DNM3: variants seen among roughly 807,000 people sequenced by gnomAD.
The protein encoded by DNM3 is dynamin-3.
DNM3 carries 47 observed loss-of-function variants against 101.6 expected under a neutral mutation model. The ratio of observed to expected loss-of-function variants is 0.46; its 90% CI spans 0.37 to 0.59. The LOEUF (loss-of-function observed/expected upper bound fraction) is 0.59, where lower values mean the gene tolerates loss of function less well. DNM3 is among the 20% of genes least tolerant of loss of function. The pLI, the probability that DNM3 is intolerant of heterozygous loss-of-function variation, is 0.00. For missense variants in DNM3, 849 were observed against 1,085.7 expected (o/e 0.78, Z 3.06); for synonymous variants, 385 against 387.9 (o/e 0.99, Z 0.09).
chr1:171,864,978 A>G (rs2034571934), intron 1 of DNM3, among the ~76,000 whole-genome samples: 1 of 152,094 alleles, frequency 6.6e-6, no homozygotes, highest in Non-Finnish European at 1.5e-5. Context: ...TAAAATACAG[A>G]CTTATTTAAA....
At chr1:171,920,190 C>T (rs2040044654) in intron 1 of DNM3, among the ~76,000 whole-genome samples, 1 of 152,150 alleles carries the variant, frequency 6.6e-6, no homozygotes, top group Non-Finnish European at 1.5e-5. Context: ...ATCTTTTTGA[C>T]TCTCCATTCC....
intron 11 of DNM3, among the ~76,000 whole-genome samples, chr1:172,081,576 T>C (rs1045151129): frequency 6.6e-6 from 1 of 152,198 alleles, no homozygotes; most frequent in Non-Finnish European, 1.5e-5. Flanking sequence ...AGGTAGCAAA[T>C]AGTGTATGCT....
At chr1:172,183,767 A>ATTTTTTTTTT (rs376245976) in intron 14 of DNM3, among the ~76,000 whole-genome samples, 1 of 62,654 alleles carries the variant, frequency 1.6e-5, no homozygotes, top group South Asian at 7.1e-4. Context: ...TGCCCAGCTA[A>ATTTTTTTTTT]TTTTTTTTTT....
Position 172,120,681 on chromosome 1 carries a change from A to G in DNM3, c.1546-10494A>G, listed in dbSNP as rs143503025. The stretch of plus-strand genomic sequence containing the variant: ...GATTTCAGCTCAAGTGCTGAATACT[A>G]TAAGTATGCCTTTTCTTATACCCGG... On this transcript the variant is annotated intron_variant, in intron 13 of 20. Transcript: ENST00000627582. 1.1e-4 allele frequency among the ~76,000 whole-genome samples: 16 copies of G among 152,318 alleles called. No homozygotes were observed. The East Asian group carries it at 2.5e-3, about 24-fold the overall frequency.
intron 1 of DNM3, among the ~76,000 whole-genome samples, chr1:171,854,443 G>C (rs946285604): frequency 1.3e-5 from 2 of 152,120 alleles, no homozygotes; most frequent in African/African-American, 4.8e-5. Flanking sequence ...GACAGAATTT[G>C]GGTGCCTTTA....
chr1:171,952,934 A>C lies in DNM3; in HGVS notation c.235+31113A>C, dbSNP rs149156442. On this transcript the variant is annotated intron_variant, in intron 2 of 20. Coordinates refer to ENST00000627582, the MANE Select transcript of DNM3 (RefSeq NM_015569.5). ...GTTTTACTGCCAACATGAATAAAACACTCTCCTTTTTACATTATTTTATTC... is the reference window on the plus strand; with the variant it reads ...GTTTTACTGCCAACATGAATAAAACCCTCTCCTTTTTACATTATTTTATTC... Among the ~76,000 whole-genome samples the C allele has an allele frequency of 3.1e-4, 47 of 152,092 alleles. No individual in the cohort carries two copies. In the Middle Eastern group the frequency reaches 0.014, roughly 44 times the overall value.
At chr1:172,258,819 T>C (rs1456966302) in intron 15 of DNM3, among the ~76,000 whole-genome samples, 3 of 152,162 alleles carry the variant, frequency 2.0e-5, no homozygotes, top group Non-Finnish European at 4.4e-5. Context: ...ACATCTCTAG[T>C]TCCTTGAGAT....
intron 11 of DNM3, among the ~76,000 whole-genome samples, chr1:172,077,024 T>G (rs1187410901): frequency 6.6e-6 from 1 of 152,232 alleles, no homozygotes; most frequent in Non-Finnish European, 1.5e-5. Flanking sequence ...GGATTCAACT[T>G]CTTCCTGGTT....
At chr1:171,931,955 C>T (rs1309543741) in intron 2 of DNM3, among the ~76,000 whole-genome samples, 1 of 151,388 alleles carries the variant, frequency 6.6e-6, no homozygotes, top group Non-Finnish European at 1.5e-5. Context: ...TTTTTTTAAT[C>T]CAAGGACCAT....
intron 12 of DNM3, among the ~76,000 whole-genome samples, 192 bp downstream of exon 12, chr1:172,082,094 G>A (rs78099876): frequency 0.027 from 4,132 of 152,280 alleles, 86 homozygotes; most frequent in Middle Eastern, 0.082. Context: ...TCTCAGTAAA[G>A]TAGTTGGCTC....
chr1:172,360,533 T>C (rs2067687081), intron 17 of DNM3, among the ~76,000 whole-genome samples: 2 of 152,152 alleles, frequency 1.3e-5, no homozygotes, highest in South Asian at 4.1e-4. Context: ...TAATATCTGC[T>C]AAATATTCAA....
chr1:172,263,301 C>G, intron 15 of DNM3, among the ~76,000 whole-genome samples: 1 of 152,092 alleles, frequency 6.6e-6, no homozygotes, highest in East Asian at 1.9e-4. Context: ...TTATCCATTC[C>G]AAAGTATCAA....
intron 11 of DNM3, among the ~76,000 whole-genome samples, chr1:172,071,086 CATATAT>C (rs56255511): frequency 0.013 from 828 of 65,060 alleles, 64 homozygotes; most frequent in African/African-American, 0.057. Context: ...CAAGACCCTG[CATATAT>C]ATATATATAT....
intron 12 of DNM3, among the ~76,000 whole-genome samples, chr1:172,088,744 G>T (rs1455384104): frequency 4.6e-5 from 7 of 152,134 alleles, no homozygotes; most frequent in Non-Finnish European, 8.8e-5. Flanking sequence ...AAACAGTTCA[G>T]ATCATATCAT....
At chr1:172,135,543 ATATATATGTGAC>A (rs1424047682) in intron 14 of DNM3, among the ~76,000 whole-genome samples, 1 of 152,050 alleles carries the variant, frequency 6.6e-6, no homozygotes, top group Non-Finnish European at 1.5e-5. Context: ...TCCTCTGACT[ATATATATGTGAC>A]TTCCTGGATT....
chr1:172,194,893 A>G (rs2059890499), intron 14 of DNM3, among the ~76,000 whole-genome samples: 1 of 151,918 alleles, frequency 6.6e-6, no homozygotes, highest in Non-Finnish European at 1.5e-5. Flanking sequence ...TGTGAATTTG[A>G]TCCTGTCATT....
chr1:172,401,185 T>C (rs1273117766), intron 20 of DNM3, among the ~76,000 whole-genome samples: 1 of 152,214 alleles, frequency 6.6e-6, no homozygotes, highest in Non-Finnish European at 1.5e-5. Flanking sequence ...ACTAGCCCGA[T>C]ACTTATTTTA....
At chr1:171,887,372 T>C (rs2036869635) in intron 1 of DNM3, among the ~76,000 whole-genome samples, 1 of 152,206 alleles carries the variant, frequency 6.6e-6, no homozygotes, top group African/African-American at 2.4e-5. Context: ...ACAATATCTG[T>C]TCTTGGTCCA....
intron 17 of DNM3, among the ~76,000 whole-genome samples, chr1:172,358,811 A>T (rs544233612): frequency 6.6e-6 from 1 of 152,184 alleles, no homozygotes; most frequent in Non-Finnish European, 1.5e-5. Flanking sequence ...ACTTAAGATA[A>T]TAAAAAGCAC....
Sources: allele counts gnomAD v4.1 joint callset (sites outside exome capture counted in the v4.1 genomes callset), GRCh38; gene constraint gnomAD v4.1.1; transcripts MANE v1.5; gene names NCBI Gene and HGNC (gene_info 2026-07-23, HGNC 2026-07-21).